The following SLC38A12 variants were observed in gnomAD, a reference collection of about 807,000 sequenced individuals.
The protein encoded by SLC38A12 is putative sodium-coupled neutral amino acid transporter 12.
the SLC38A12 span, among the ~76,000 whole-genome samples, chr17:74,777,921 A>G: frequency 6.6e-6 from 1 of 152,180 alleles, no homozygotes; most frequent in Non-Finnish European, 1.5e-5. Context: ...TCTCAAAAAT[A>G]AAGAAATAAT....
the SLC38A12 span, among the ~76,000 whole-genome samples, chr17:74,811,720 A>G: frequency 6.6e-6 from 1 of 150,980 alleles, no homozygotes; most frequent in African/African-American, 2.4e-5. Flanking sequence ...GACTATCTCA[A>G]AAAAAGAAAA....
At chr17:74,799,332 T>G in the SLC38A12 span, among the ~76,000 whole-genome samples, 502 of 152,332 alleles carry the variant, frequency 3.3e-3, 6 homozygotes, top group East Asian at 0.023. Flanking sequence ...AGAGCGGAGC[T>G]TATCCTGGCT....
the SLC38A12 span, among the ~76,000 whole-genome samples, chr17:74,791,717 T>C: frequency 6.6e-6 from 1 of 152,260 alleles, no homozygotes; most frequent in African/African-American, 2.4e-5. Context: ...TGAAGTGTGC[T>C]GGTGAACCTG....
At chr17:74,837,806 C>T in the SLC38A12 span, 1 of 985,994 alleles carries the variant, frequency 1.0e-6, no homozygotes, top group Non-Finnish European at 1.2e-6. Context: ...CTCGAATGAA[C>T]TCTGCATTTT....
chr17:74,826,471 G>A, the SLC38A12 span, among the ~76,000 whole-genome samples: 4 of 152,258 alleles, frequency 2.6e-5, no homozygotes, highest in African/African-American at 9.6e-5. Context: ...AAGCACAGAA[G>A]CTGGCCCACA....
chr17:74,839,093 C>A, the SLC38A12 span: 113 of 1,534,162 alleles, frequency 7.4e-5, 2 homozygotes, highest in African/African-American at 7.8e-4. Context: ...AAGCACCAGA[C>A]CCACCTGAGC....
the SLC38A12 span, among the ~76,000 whole-genome samples, chr17:74,806,275 T>C: frequency 3.3e-5 from 5 of 152,266 alleles, no homozygotes; most frequent in South Asian, 1.0e-3. Flanking sequence ...CCAGCAGTTA[T>C]GTGGCCAAGC....
chr17:74,822,919 C>G, the SLC38A12 span, among the ~76,000 whole-genome samples: 5 of 152,224 alleles, frequency 3.3e-5, no homozygotes, highest in Non-Finnish European at 2.9e-5. Context: ...CTGGCAGCCC[C>G]TTTTGGGGGA....
chr17:74,788,762 T>A, the SLC38A12 span: 1 of 1,608,552 alleles, frequency 6.2e-7, no homozygotes, highest in Non-Finnish European at 8.5e-7. Context: ...CTGTCCGCCT[T>A]TGGCGCTGGG....
the SLC38A12 span, chr17:74,837,799 G>A: frequency 1.6e-5 from 16 of 985,950 alleles, no homozygotes; most frequent in Admixed American, 3.1e-4. Flanking sequence ...CAGGTGACTC[G>A]AATGAACTCT....
chr17:74,777,314 C>T, the SLC38A12 span: 38 of 1,614,110 alleles, frequency 2.4e-5, no homozygotes, highest in Middle Eastern at 6.6e-4. Context: ...GCTGCCAGCC[C>T]TTCCTCACTT....
chr17:74,792,069 C>G, the SLC38A12 span, among the ~76,000 whole-genome samples: 1 of 152,090 alleles, frequency 6.6e-6, no homozygotes, highest in African/African-American at 2.4e-5. Context: ...TGGCATGAAT[C>G]CTGGAGGCGG....
At chr17:74,825,212 C>A in the SLC38A12 span, among the ~76,000 whole-genome samples, 3 of 152,248 alleles carry the variant, frequency 2.0e-5, no homozygotes, top group Non-Finnish European at 4.4e-5. Context: ...CAGCCCTGCA[C>A]GGCCCAGGTC....
chr17:74,836,379 G>C, the SLC38A12 span: 1 of 1,612,034 alleles, frequency 6.2e-7, no homozygotes, highest in African/African-American at 1.3e-5. The surrounding 1 kb of genome is among the most constrained non-coding windows in gnomAD (Gnocchi z 4.2). Context: ...CCCGTGGGTG[G>C]TGGACCGCGT....
At chr17:74,819,763 T>C in the SLC38A12 span, 1 of 1,614,196 alleles carries the variant, frequency 6.2e-7, no homozygotes. Context: ...ATCTTCACTC[T>C]CCTCCTCGGA....
At chr17:74,802,760 G>A in the SLC38A12 span, among the ~76,000 whole-genome samples, 500 of 152,280 alleles carry the variant, frequency 3.3e-3, 2 homozygotes, top group African/African-American at 0.011. Context: ...AGCATTTCAG[G>A]TGTTGGAATT....
At chr17:74,780,144 T>A in the SLC38A12 span, among the ~76,000 whole-genome samples, 2 of 152,240 alleles carry the variant, frequency 1.3e-5, no homozygotes, top group Admixed American at 1.3e-4. Context: ...CTGAAGATTG[T>A]TGCGGTTGCT....
chr17:74,785,854 A>T, the SLC38A12 span, among the ~76,000 whole-genome samples: 1 of 152,170 alleles, frequency 6.6e-6, no homozygotes, highest in African/African-American at 2.4e-5. Context: ...AGGCTTTGGA[A>T]TGTTTCACGT....
the SLC38A12 span, among the ~76,000 whole-genome samples, chr17:74,818,222 G>A: frequency 6.6e-6 from 1 of 152,142 alleles, no homozygotes; most frequent in Non-Finnish European, 1.5e-5. Flanking sequence ...TGTAAGGAGA[G>A]CCCTTTCCTC....
Sources: allele counts gnomAD v4.1 joint callset (sites outside exome capture counted in the v4.1 genomes callset), GRCh38; gene constraint gnomAD v4.1.1; non-coding constraint Gnocchi (gnomAD v3.1); transcripts MANE v1.5; gene names NCBI Gene and HGNC (gene_info 2026-07-23, HGNC 2026-07-21).